ABCB5: variants seen among roughly 807,000 people sequenced by gnomAD.
ABCB5 encodes ATP-binding cassette sub-family B member 5.
A neutral mutation model predicts 144.2 loss-of-function variants in ABCB5; 155 were observed. The ratio of observed to expected loss-of-function variants is 1.08; its 90% CI spans 0.94 to 1.23. The LOEUF is 1.23. ABCB5 is among the 50% of genes most tolerant of loss of function. The pLI is 0.00. For synonymous variants in ABCB5, 610 were observed against 528.6 expected (o/e 1.15, Z -2.11); for missense variants, 1,830 against 1,520.8 (o/e 1.20, Z -3.38).
At chr7:20,740,097 G>C (rs184920176) in intron 24 of ABCB5, among the ~76,000 whole-genome samples, 11 of 152,098 alleles carry the variant, frequency 7.2e-5, no homozygotes, top group Admixed American at 5.2e-4. Context: ...AAATTCAGCC[G>C]GGTGTGGTGG....
In ABCB5 at chr7:20,666,189, A is replaced by AG. The variant is rs1562549980; in HGVS notation, c.1707+7514dup. On this transcript the variant is annotated intron_variant, in intron 14 of 27. Transcript: ENST00000404938. ...CTGTCTCAAAAAAAAAAAAAAAAAA[A>AG]GTTGACGATAACAGCACTACATCAT... is the stretch of plus-strand genomic sequence containing the variant. 2.0e-5 allele frequency among the ~76,000 whole-genome samples: 3 copies of AG among 149,108 alleles called. No homozygotes were observed. In the East Asian group the frequency reaches 5.9e-4, roughly 30 times the overall value.
intron 15 of ABCB5, among the ~76,000 whole-genome samples, chr7:20,683,913 T>C (rs1420311430): frequency 6.8e-6 from 1 of 147,576 alleles, no homozygotes; most frequent in Non-Finnish European, 1.5e-5. Flanking sequence ...AGAAGCAATA[T>C]AGCAATGTGG....
chr7:20,639,081 T>A (rs1461093673), intron 5 of ABCB5, among the ~76,000 whole-genome samples: 1 of 152,234 alleles, frequency 6.6e-6, no homozygotes, highest in Non-Finnish European at 1.5e-5. Context: ...TATTATAATA[T>A]GACTTTAACT....
At chr7:20,744,623 G>T (rs1432938860) in intron 25 of ABCB5, among the ~76,000 whole-genome samples, 7 of 150,984 alleles carry the variant, frequency 4.6e-5, no homozygotes, top group African/African-American at 1.7e-4. Context: ...TCCATGGGGG[G>T]AGGGGGGAGG....
intron 26 of ABCB5, among the ~76,000 whole-genome samples, chr7:20,747,559 T>C (rs998937680): frequency 6.6e-6 from 1 of 152,212 alleles, no homozygotes; most frequent in African/African-American, 2.4e-5. Flanking sequence ...ACATCTGGCC[T>C]AACTTTTATT....
intron 21 of ABCB5, among the ~76,000 whole-genome samples, 174 bp from the exon 22 acceptor site, chr7:20,726,866 G>C (rs1022730067): frequency 2.0e-5 from 3 of 152,138 alleles, no homozygotes; most frequent in Non-Finnish European, 1.5e-5. Flanking sequence ...ATCCAAAAGT[G>C]TCATTTTTCT....
intron 27 of ABCB5, among the ~76,000 whole-genome samples, chr7:20,754,649 A>T (rs1423090288): frequency 1.3e-5 from 2 of 152,290 alleles, no homozygotes; most frequent in African/African-American, 4.8e-5. Context: ...CAAAAACAAA[A>T]CAAAATCTAT....
chr7:20,728,538 G>T (rs1161725334), intron 23 of ABCB5, 83 bp downstream of exon 23: 2 of 1,468,640 alleles, frequency 1.4e-6, no homozygotes, highest in Non-Finnish European at 1.8e-6. Context: ...TGGATCACTT[G>T]AGGTCAGGAG....
chr7:20,712,683 T>G (rs1781525763), intron 20 of ABCB5, among the ~76,000 whole-genome samples: 1 of 149,614 alleles, frequency 6.7e-6, no homozygotes, highest in African/African-American at 2.5e-5. Context: ...ATATTATATT[T>G]TTTATTTTTA....
At chr7:20,693,894 A>G (rs1786317962) in intron 16 of ABCB5, among the ~76,000 whole-genome samples, 1 of 151,864 alleles carries the variant, frequency 6.6e-6, no homozygotes, top group Admixed American at 6.6e-5. Flanking sequence ...AAATCCTACA[A>G]CTCAGATGAA....
At chr7:20,715,252 GC>G (rs1781632147) in intron 20 of ABCB5, among the ~76,000 whole-genome samples, 1 of 152,056 alleles carries the variant, frequency 6.6e-6, no homozygotes, top group South Asian at 2.1e-4. Context: ...CACCACATTG[GC>G]CAGGCTGGTT....
intron 26 of ABCB5, among the ~76,000 whole-genome samples, chr7:20,748,650 CAAAAAAAAAAAAAAAAAA>C (rs71020682): frequency 1.7e-5 from 1 of 59,076 alleles, no homozygotes; most frequent in Non-Finnish European, 2.9e-5. Flanking sequence ...GACTCCATCT[CAAAAAAAAAAAAAAAAAA>C]AAAAAAAAAA....
Position 20,623,349 on chromosome 7 carries a change from AC to A in ABCB5, c.53+12del. The A allele has an allele frequency of 6.5e-7, 1 of 1,544,600 alleles. No individual in the cohort carries two copies. Among genetic ancestry groups the A allele is most frequent in the South Asian group, 1.2e-5 (1 of 83,910 alleles). ...TTATCAGAGAAATGGGTAAGCTCTC[AC>A]TAAGTTCTGTAAGTATGCTTCCACA... is the stretch of plus-strand genomic sequence containing the variant. On this transcript the variant is annotated intron_variant, in intron 2 of 27. Coordinates refer to ENST00000404938, the MANE Select transcript of ABCB5 (RefSeq NM_001163941.2).
At position 20,698,420 on chromosome 7, in the gene ABCB5, A is replaced by C. The variant is rs768318795; in HGVS notation, c.2024A>C (p.Glu675Ala). The change falls in exon 17 of 28, where the codon GAA becomes GCA. Residue 675 changes from glutamate to alanine, a missense_variant. Glu to Ala is a moderately radical substitution (Grantham distance 107, BLOSUM62 -1). Transcript: ENST00000404938. ...STQSKEISLP[E>A]VSLLKILKLN... ...TTTTATTTTTAGATAAGTCTTCCTGAAGTCTCTCTATTAAAAATTTTAAAG... is the reference window on the plus strand; with the variant it reads ...TTTTATTTTTAGATAAGTCTTCCTGCAGTCTCTCTATTAAAAATTTTAAAG... The C allele has an allele frequency of 6.3e-7, 1 of 1,576,196 alleles. No individual in the cohort carries two copies.
Position 20,644,089 on chromosome 7 carries a change from GTT to G in ABCB5, c.678+470_678+471del, listed in dbSNP as rs11345008. ...CTTAAAGTTTATGTATATATGTAAA[GTT>G]TTTTTTTTTTTTGAGGCAAGGTCTC... On this transcript the variant is annotated intron_variant, in intron 7 of 27. Coordinates refer to ENST00000404938, the MANE Select transcript of ABCB5 (RefSeq NM_001163941.2). Among the ~76,000 whole-genome samples the G allele has an allele frequency of 3.1e-3, 455 of 145,810 alleles. 5 individuals carry two copies. The highest frequency in any genetic ancestry group is 0.011 in the African/African-American group (428 of 39,898).
rs575914392 is a variant in ABCB5 at position 20,704,984 on chromosome 7, C to T, written c.2421+177C>T. ...AGTGAAAGATGAAAGGAAGACTTTC[C>T]GTTCTGGATATTTTTAACCAAAAAT... On this transcript the variant is annotated intron_variant, in intron 20 of 27. Coordinates refer to ENST00000404938, the MANE Select transcript of ABCB5 (RefSeq NM_001163941.2). 1.2e-4 allele frequency among the ~76,000 whole-genome samples: 19 copies of T among 152,144 alleles called. No individual in the cohort carries two copies. In the South Asian group the frequency reaches 2.9e-3, roughly 23 times the overall value.
At chr7:20,717,862 C>T (rs1481726524) in intron 20 of ABCB5, among the ~76,000 whole-genome samples, 2 of 133,892 alleles carry the variant, frequency 1.5e-5, no homozygotes, top group African/African-American at 5.5e-5. Context: ...TCTCCAAATA[C>T]GGTAACATTC....
chr7:20,666,060 C>T (rs1490120140), intron 14 of ABCB5, among the ~76,000 whole-genome samples: 1 of 151,534 alleles, frequency 6.6e-6, no homozygotes, highest in African/African-American at 2.4e-5. Context: ...ATCCCAGCTA[C>T]TTGAGAGGCT....
intron 2 of ABCB5, among the ~76,000 whole-genome samples, chr7:20,623,942 C>T (rs1783854322): frequency 6.6e-6 from 1 of 152,216 alleles, no homozygotes; most frequent in South Asian, 2.1e-4. Flanking sequence ...CCAGAGAGGG[C>T]ATTCCAGCGA....
Sources: allele counts gnomAD v4.1 joint callset (sites outside exome capture counted in the v4.1 genomes callset), GRCh38; gene constraint gnomAD v4.1.1; transcripts MANE v1.5; gene names NCBI Gene and HGNC (gene_info 2026-07-23, HGNC 2026-07-21).